TG: variants seen among roughly 807,000 people sequenced by gnomAD.
TG encodes thyroglobulin.
A neutral mutation model predicts 324.7 loss-of-function variants in TG; 270 were observed. That is an observed-to-expected ratio of 0.83 (90% CI 0.75 to 0.92). The LOEUF (loss-of-function observed/expected upper bound fraction) is 0.92. Ranked by LOEUF, TG falls within the 40% of genes least tolerant of loss-of-function variation. The pLI is 0.00. For synonymous variants in TG, 1,401 were observed against 1,327.0 expected, an observed-to-expected ratio of 1.06 and a Z score of -1.21; for missense variants, 3,591 against 3,456.4, an observed-to-expected ratio of 1.04 and a Z score of -0.98.
chr8:132,949,440 G>A (rs1163877166), intron 27 of TG, among the ~76,000 whole-genome samples: 1 of 152,194 alleles, frequency 6.6e-6, no homozygotes, highest in Non-Finnish European at 1.5e-5. Context: ...AAGAGACAAA[G>A]GGTGGGAAAT....
intron 43 of TG, among the ~76,000 whole-genome samples, chr8:133,096,883 A>C (rs2131648812): frequency 6.6e-6 from 1 of 152,352 alleles, no homozygotes; most frequent in African/African-American, 2.4e-5. Flanking sequence ...CTGGAGGCAC[A>C]GTGAAGTGGG....
At chr8:133,013,324 T>C (rs895275041) in intron 36 of TG, among the ~76,000 whole-genome samples, 1 of 152,088 alleles carries the variant, frequency 6.6e-6, no homozygotes, top group Non-Finnish European at 1.5e-5. Flanking sequence ...GATAGATGGA[T>C]GGAAGGGTGG....
Position 132,908,269 on chromosome 8 carries a change from G to C in TG, c.3931G>C (p.Ala1311Pro). The C allele has an allele frequency of 6.2e-7, 1 of 1,613,862 alleles. No homozygotes were observed. The highest frequency in any genetic ancestry group is 8.5e-7 in the Non-Finnish European group (1 of 1,179,962). Residue 1311 changes from alanine (A) to proline (P), a missense_variant, in exon 18 of 48, where the codon GCG becomes CCG. Coordinates refer to ENST00000220616, the MANE Select transcript of TG (RefSeq NM_003235.5). ...PPGKMCSADY[A>P]DLLQTFQVFI... Reference sequence around the variant, plus strand: ...GGGCAAGATGTGCAGTGCTGACTACGCGGATTTGCTGCAGACTTTCCAGGT... The same window carrying C: ...GGGCAAGATGTGCAGTGCTGACTACCCGGATTTGCTGCAGACTTTCCAGGT...
Position 133,131,885 on chromosome 8 carries a change from C to A in TG, c.7936C>A (p.Leu2646Met). 6.2e-7 allele frequency: 1 copy of A among 1,614,192 alleles called. No individual in the cohort carries two copies. Among genetic ancestry groups the A allele is most frequent in the Non-Finnish European group, 8.5e-7 (1 of 1,180,020 alleles). The change falls in exon 46 of 48, where the codon CTG becomes ATG. Residue 2646 changes from leucine (L) to methionine (M), a missense_variant. Leu to Met is a conservative substitution (Grantham distance 15). Transcript: ENST00000220616. The part of the protein sequence containing the change: ...FYPAYEGQFS[L>M]EEKSLSLKIM... ...CCCAGCCTACGAGGGGCAGTTTTCT[C>A]TGGAGGAGAAGAGCCTGTCGCTGAA...
chr8:132,896,532 C>T (rs921248948), intron 11 of TG, among the ~76,000 whole-genome samples: 9 of 152,168 alleles, frequency 5.9e-5, no homozygotes, highest in Non-Finnish European at 1.2e-4. Context: ...GGAGCCCCAA[C>T]CTGCCCCAAG....
At chr8:132,895,777 G>A (rs913568660) in intron 11 of TG, among the ~76,000 whole-genome samples, 14 of 152,356 alleles carry the variant, frequency 9.2e-5, no homozygotes, top group Middle Eastern at 3.4e-3. Flanking sequence ...TCCTTCAGTT[G>A]TGACCACTTT....
intron 41 of TG, among the ~76,000 whole-genome samples, chr8:133,083,108 C>G (rs1846004334): frequency 6.6e-6 from 1 of 152,096 alleles, no homozygotes; most frequent in South Asian, 2.1e-4. Context: ...TCCCAAGAAC[C>G]ATTTTTAGGC....
intron 41 of TG, among the ~76,000 whole-genome samples, chr8:133,062,420 C>T (rs1008992169): frequency 1.3e-5 from 2 of 152,240 alleles, no homozygotes; most frequent in Non-Finnish European, 2.9e-5. Flanking sequence ...CAGCAGGTGG[C>T]GTGACTCCAA....
intron 27 of TG, among the ~76,000 whole-genome samples, chr8:132,956,709 C>T (rs1826929781): frequency 6.6e-6 from 1 of 152,274 alleles, no homozygotes; most frequent in South Asian, 2.1e-4. Context: ...TTCTGACATC[C>T]TTGTAGCTCC....
Position 132,906,736 on chromosome 8 carries a change from C to T in TG, c.3683C>T (p.Thr1228Ile), listed in dbSNP as rs763803660. 5 of 1,614,120 alleles carry T rather than the reference C, an allele frequency of 3.1e-6. No homozygotes were observed. Among genetic ancestry groups the T allele is most frequent in the African/African-American group, 2.7e-5 (2 of 74,950 alleles). The change falls in exon 17 of 48, where the codon ACA (threonine) becomes ATA (isoleucine). Residue 1228 changes from threonine to isoleucine, a missense_variant. Transcript: ENST00000220616. ...AACGCGTCGGAGGTGGTTGGTGGAA[C>T]AATCCTGTGTGAGACAATCTCGGGC... ...PFNASEVVGG[T>I]ILCETISGPT...
intron 41 of TG, chr8:133,047,598 G>C (rs1839667077): frequency 1.8e-6 from 1 of 558,142 alleles, no homozygotes; most frequent in Admixed American, 3.1e-5. Context: ...CATCAGGCCT[G>C]ATGTTGGCCA....
intron 5 of TG, among the ~76,000 whole-genome samples, chr8:132,876,414 A>T (rs1379616158): frequency 6.6e-6 from 1 of 152,106 alleles, no homozygotes; most frequent in Non-Finnish European, 1.5e-5. Context: ...TTGTTTTGGG[A>T]TGTTGAATCT....
At chr8:133,021,707 G>A (rs1170551518) in intron 39 of TG, among the ~76,000 whole-genome samples, 1 of 152,108 alleles carries the variant, frequency 6.6e-6, no homozygotes, top group Non-Finnish European at 1.5e-5. Flanking sequence ...CTCTGTACCT[G>A]TGTCCTGACC....
chr8:132,948,597 G>T (rs1825680240), intron 26 of TG, among the ~76,000 whole-genome samples, 179 bp from the exon 27 acceptor site: 1 of 152,194 alleles, frequency 6.6e-6, no homozygotes, highest in Non-Finnish European at 1.5e-5. Flanking sequence ...TAAGACAACT[G>T]CAGGAATCAC....
intron 41 of TG, chr8:133,040,362 A>T (rs1837990588): frequency 1.9e-6 from 1 of 525,896 alleles, no homozygotes; most frequent in African/African-American, 1.9e-5. Flanking sequence ...GCATGGGCAG[A>T]GAGAGAGGTT....
chr8:132,918,617 G>A (rs1290772940), intron 20 of TG, among the ~76,000 whole-genome samples: 2 of 152,126 alleles, frequency 1.3e-5, no homozygotes, highest in African/African-American at 2.4e-5. Flanking sequence ...TCTGCCAGAG[G>A]GAGGTGGCTG....
intron 41 of TG, among the ~76,000 whole-genome samples, chr8:133,092,680 G>T (rs974216939): frequency 6.6e-6 from 1 of 152,148 alleles, no homozygotes; most frequent in African/African-American, 2.4e-5. Context: ...TGACACAGCT[G>T]GGGTTCAAAC....
At position 132,893,823 on chromosome 8, in the gene TG, G is replaced by A. The variant is rs1182201987; in HGVS notation, c.2895G>A (p.Leu965=). 9 of 1,613,898 alleles carry A rather than the reference G, an allele frequency of 5.6e-6. No homozygotes were observed. The highest frequency in any genetic ancestry group is 7.6e-6 in the Non-Finnish European group (9 of 1,179,950). ...TCCTGGTGGCCAAGGGAATCCGGCT[G>A]AGGAATGAGGACCTCGGCCTTCCTC... ...ESFLVAKGIR[L]RNEDLGLPPL... The change falls in exon 11 of 48, where the codon CTG becomes CTA. Residue 965 remains leucine (L), a synonymous_variant. Coordinates refer to ENST00000220616, the MANE Select transcript of TG (RefSeq NM_003235.5).
intron 41 of TG, among the ~76,000 whole-genome samples, chr8:133,038,963 T>C (rs546708671): frequency 6.6e-5 from 10 of 152,338 alleles, no homozygotes; most frequent in East Asian, 1.9e-4. Flanking sequence ...CTGCAACCTC[T>C]GCCTCCCAGG....
Sources: gnomAD v4.1 joint callset for allele counts (sites outside exome capture counted in the v4.1 genomes callset) on GRCh38, gnomAD v4.1.1 for gene constraint, MANE v1.5 for transcripts, NCBI Gene and HGNC (gene_info 2026-07-23, HGNC 2026-07-21) for gene names.